NPAS3: variants seen among roughly 807,000 people sequenced by gnomAD.
NPAS3 encodes the protein neuronal PAS domain-containing protein 3.
NPAS3 carries 14 observed loss-of-function variants against 73.1 expected under a neutral mutation model. The ratio of observed to expected loss-of-function variants is 0.19; its 90% confidence interval spans 0.13 to 0.30. NPAS3 has a LOEUF of 0.30. Among genes scored for constraint, NPAS3 ranks in the 10% least tolerant of loss-of-function variants. NPAS3 has a pLI of 1.00. For missense variants in NPAS3, 1,096 were observed against 1,250.0 expected (o/e 0.88, Z 1.86); for synonymous variants, 620 against 541.5 (o/e 1.14, Z -2.01).
chr14:33,172,951 A>C lies in NPAS3; in HGVS notation c.141-42231A>C, dbSNP rs533458876. On this transcript the variant is annotated intron_variant, in intron 2 of 11. Coordinates refer to ENST00000356141, the Ensembl canonical transcript of NPAS3. ...TAATCATGTAATTTTAGTGAGAGAAAAACTTTATTTTCCTAACAGATAGGA... is the reference window on the plus strand; with the variant it reads ...TAATCATGTAATTTTAGTGAGAGAACAACTTTATTTTCCTAACAGATAGGA... Among the ~76,000 whole-genome samples, 4 of 152,298 alleles carry C rather than the reference A, an allele frequency of 2.6e-5. No homozygotes were observed. In the East Asian group the frequency reaches 7.7e-4, roughly 29 times the overall value.
At chr14:33,743,686 A>G (rs1377106235) in intron 7 of NPAS3, among the ~76,000 whole-genome samples, 11 of 152,230 alleles carry the variant, frequency 7.2e-5, no homozygotes, top group Admixed American at 7.2e-4. Context: ...TGAAAATCCT[A>G]GATGGCATCT....
At position 33,275,088 on chromosome 14, in the gene NPAS3, A is replaced by G. The variant is rs553822561; in HGVS notation, c.385+59662A>G. On this transcript the variant is annotated intron_variant, in intron 3 of 11. Transcript: ENST00000356141. Reference sequence around the variant, plus strand: ...AAAACATGCTTCTCTTTAAAGATCCAAGGGTAAGAGAGAAAATAAGAATCC... The same window carrying G: ...AAAACATGCTTCTCTTTAAAGATCCGAGGGTAAGAGAGAAAATAAGAATCC... 3.3e-5 allele frequency among the ~76,000 whole-genome samples: 5 copies of G among 152,320 alleles called. No homozygotes were observed. In the South Asian group the frequency reaches 1.0e-3, roughly 32 times the overall value.
chr14:33,364,965 G>T (rs562753295), intron 3 of NPAS3, among the ~76,000 whole-genome samples: 1 of 150,598 alleles, frequency 6.6e-6, no homozygotes, highest in Non-Finnish European at 1.5e-5. Context: ...TTTGTAGAAT[G>T]ATTTCTGTTA....
chr14:33,117,580 C>T (rs2043108610), intron 2 of NPAS3, among the ~76,000 whole-genome samples: 1 of 151,998 alleles, frequency 6.6e-6, no homozygotes, highest in Non-Finnish European at 1.5e-5. Flanking sequence ...TTGTGTTTTG[C>T]AAAAATCAAG....
intron 7 of NPAS3, among the ~76,000 whole-genome samples, chr14:33,737,266 G>C (rs2061546342): frequency 6.6e-6 from 1 of 152,176 alleles, no homozygotes; most frequent in African/African-American, 2.4e-5. Flanking sequence ...TGTCACCTAT[G>C]AGTGGTAAAT....
chr14:33,212,511 G>A (rs1353627032), intron 2 of NPAS3, among the ~76,000 whole-genome samples: 1 of 152,110 alleles, frequency 6.6e-6, no homozygotes, highest in East Asian at 1.9e-4. Context: ...TTTTAGAAAA[G>A]TAGTAAAACA....
intron 3 of NPAS3, among the ~76,000 whole-genome samples, chr14:33,269,888 T>C (rs992863128): frequency 3.3e-5 from 5 of 152,116 alleles, no homozygotes; most frequent in Admixed American, 6.6e-5. Flanking sequence ...CTATGCAAAT[T>C]ACAAAGTGAC....
intron 5 of NPAS3, among the ~76,000 whole-genome samples, chr14:33,649,634 C>A (rs2058934025): frequency 6.6e-6 from 1 of 152,046 alleles, no homozygotes; most frequent in African/African-American, 2.4e-5. Flanking sequence ...ATAAGGAAGG[C>A]TTCATGAGGT....
intron 7 of NPAS3, among the ~76,000 whole-genome samples, chr14:33,771,156 G>A (rs2062638903): frequency 6.6e-6 from 1 of 152,192 alleles, no homozygotes; most frequent in South Asian, 2.1e-4. Flanking sequence ...GATACATGCT[G>A]TCAGACTTGT....
chr14:33,742,084 T>A (rs2061669156), intron 7 of NPAS3, among the ~76,000 whole-genome samples: 1 of 152,208 alleles, frequency 6.6e-6, no homozygotes, highest in South Asian at 2.1e-4. Flanking sequence ...TTTATTTATA[T>A]AATTATCACT....
intron 4 of NPAS3, among the ~76,000 whole-genome samples, chr14:33,547,983 T>G (rs990931568): frequency 6.6e-6 from 1 of 152,234 alleles, no homozygotes; most frequent in Non-Finnish European, 1.5e-5. Flanking sequence ...CTAAGATAAC[T>G]ACTACTGTAG....
intron 5 of NPAS3, among the ~76,000 whole-genome samples, chr14:33,633,848 G>A (rs199825889): frequency 3.3e-5 from 5 of 152,042 alleles, no homozygotes; most frequent in South Asian, 2.1e-4. Context: ...TTGTGGTGGC[G>A]TGCTCCTGTA....
intron 3 of NPAS3, among the ~76,000 whole-genome samples, chr14:33,249,787 G>C (rs574317244): frequency 3.9e-5 from 6 of 151,980 alleles, no homozygotes; most frequent in African/African-American, 9.7e-5. Context: ...AGCAAATAAT[G>C]GATACATTTG....
chr14:32,981,434 G>T (rs1273244703), intron 1 of NPAS3, among the ~76,000 whole-genome samples: 1 of 152,098 alleles, frequency 6.6e-6, no homozygotes, highest in Non-Finnish European at 1.5e-5. Context: ...TCTACCTCTG[G>T]AGTAAAATAT....
chr14:33,671,925 G>T (rs2059620164), intron 5 of NPAS3, among the ~76,000 whole-genome samples: 1 of 152,298 alleles, frequency 6.6e-6, no homozygotes, highest in African/African-American at 2.4e-5. Flanking sequence ...AGGGGGGAAA[G>T]CTCTACTTTT....
At position 33,337,894 on chromosome 14, in the gene NPAS3, A is replaced by G. The variant is rs561423550; in HGVS notation, c.386-29292A>G. Among the ~76,000 whole-genome samples the G allele has an allele frequency of 1.5e-4, 23 of 152,128 alleles. 1 individual carries two copies. The South Asian group carries it at 4.6e-3, about 30-fold the overall frequency. ...AATATTTGCTAGTATATTGAAATAC[A>G]GTTGATTCTTGTATACTGATCTTTT... is the stretch of plus-strand genomic sequence containing the variant. On this transcript the variant is annotated intron_variant, in intron 3 of 11. Coordinates refer to ENST00000356141, the Ensembl canonical transcript of NPAS3.
chr14:33,350,951 C>G (rs928172842), intron 3 of NPAS3, among the ~76,000 whole-genome samples: 6 of 152,156 alleles, frequency 3.9e-5, no homozygotes, highest in African/African-American at 1.4e-4. Context: ...AGCAATTTAT[C>G]TGAGTTTTGT....
At chr14:33,213,816 C>A (rs2047122918) in intron 2 of NPAS3, 1 of 152,154 alleles carries the variant, frequency 6.6e-6, no homozygotes, top group Non-Finnish European at 1.5e-5. Flanking sequence ...TAGCAAGTAT[C>A]TGACCAGAGC....
At position 33,308,527 on chromosome 14, in the gene NPAS3, T is replaced by TACACACACACACACACAC. The variant is rs1555371843; in HGVS notation, c.386-58656_386-58655insCACACACACACACACACA. Among the ~76,000 whole-genome samples, 215 of 103,682 alleles carry TACACACACACACACACAC rather than the reference T, an allele frequency of 2.1e-3. 3 individuals are homozygous for TACACACACACACACACAC. Among genetic ancestry groups the TACACACACACACACACAC allele is most frequent in the African/African-American group, 8.1e-3 (174 of 21,554 alleles). 68.0% of individuals were successfully genotyped at this position (103,682 alleles called of 152,430 possible). ...TGCATAGTTTATATATATATATATATACATACACACACACACACACACACA... is the reference window on the plus strand; with the variant it reads ...TGCATAGTTTATATATATATATATATACACACACACACACACACACATACACACACACACACACACACA... On this transcript the variant is annotated intron_variant, in intron 3 of 11. Coordinates refer to ENST00000356141, the Ensembl canonical transcript of NPAS3.
Sources: gnomAD v4.1 joint callset for allele counts (sites outside exome capture counted in the v4.1 genomes callset) on GRCh38, gnomAD v4.1.1 for gene constraint, MANE v1.5 for transcripts, NCBI Gene and HGNC (gene_info 2026-07-23, HGNC 2026-07-21) for gene names.